The following POR variants were observed in gnomAD, a reference collection of about 807,000 sequenced individuals.
POR encodes cytochrome p450 oxidoreductase.
POR carries 56 observed loss-of-function variants against 84.0 expected under a neutral mutation model. That is an observed-to-expected ratio of 0.67 (90% confidence interval 0.54 to 0.83). The LOEUF (loss-of-function observed/expected upper bound fraction) is 0.83. Among genes scored for constraint, POR ranks in the 40% least tolerant of loss-of-function variants. The probability of loss-of-function intolerance (pLI) is 0.00; values close to 1 mark genes in which losing one functional copy is unlikely to be tolerated. For synonymous variants in POR, 414 were observed against 400.5 expected (o/e 1.03, Z -0.40); for missense variants, 938 against 944.3 (o/e 0.99, Z 0.09).
At chr7:75,944,009 C>T (rs764699164) in intron 1 of POR, 66 of 394,028 alleles carry the variant, frequency 1.7e-4, no homozygotes, top group Non-Finnish European at 2.8e-4. Context: ...GAAACGTGCT[C>T]TCCTTGGGAG....
chr7:75,963,324 G>A (rs76872408), intron 2 of POR, among the ~76,000 whole-genome samples: 6 of 152,300 alleles, frequency 3.9e-5, no homozygotes, highest in South Asian at 4.1e-4. Context: ...CTGTGGGAAC[G>A]GCGAGGACAT....
At chr7:75,965,573 T>G (rs1397559746) in intron 2 of POR, among the ~76,000 whole-genome samples, 1 of 152,098 alleles carries the variant, frequency 6.6e-6, no homozygotes, top group Non-Finnish European at 1.5e-5. Flanking sequence ...TCAGATGATC[T>G]TACTGTCTGA....
intron 1 of POR, among the ~76,000 whole-genome samples, chr7:75,930,140 G>A (rs1554549985): frequency 6.6e-6 from 1 of 152,160 alleles, no homozygotes; most frequent in African/African-American, 2.4e-5. Context: ...ATTGTAGAAG[G>A]TGCCTAGCCA....
intron 2 of POR, 139 bp downstream of exon 2, chr7:75,954,319 G>C: frequency 7.1e-6 from 6 of 840,674 alleles, no homozygotes; most frequent in Non-Finnish European, 1.1e-5. Context: ...TTGCCTTCTT[G>C]CTAGATTGTG....
intron 1 of POR, among the ~76,000 whole-genome samples, chr7:75,921,502 T>A (rs528394991): frequency 6.6e-6 from 1 of 152,056 alleles, no homozygotes; most frequent in African/African-American, 2.4e-5. Flanking sequence ...CCTCAGGCGA[T>A]CTGCCTGCCT....
At position 75,985,792 on chromosome 7, in the gene POR, A is replaced by C. The variant is rs782814705; in HGVS notation, c.1612A>C (p.Thr538Pro). The stretch of plus-strand genomic sequence containing the variant: ...GCCTGTCATCATGGTGGGCCCCGGC[A>C]CCGGGGTGGCACCCTTCATAGGCTT... Residue 538 changes from threonine (T) to proline (P), a missense_variant, in exon 13 of 16, where the codon ACC becomes CCC. Coordinates refer to ENST00000461988, the MANE Select transcript of POR (RefSeq NM_000941.3). 169 of 1,568,894 alleles carry C rather than the reference A, an allele frequency of 1.1e-4. No individual in the cohort carries two copies. Among genetic ancestry groups the C allele is most frequent in the Non-Finnish European group, 1.3e-4 (151 of 1,157,668 alleles).
chr7:75,960,558 G>A (rs1787891727), intron 2 of POR, among the ~76,000 whole-genome samples: 1 of 152,008 alleles, frequency 6.6e-6, no homozygotes, highest in Non-Finnish European at 1.5e-5. Flanking sequence ...CAGTCTCCCT[G>A]CCTCAGCCTT....
At position 75,981,123 on chromosome 7, in the gene POR, C is replaced by A; in HGVS notation, c.592C>A (p.Leu198Ile). 1 of 1,559,846 alleles carries A rather than the reference C, an allele frequency of 6.4e-7. No homozygotes were observed. Among genetic ancestry groups the A allele is most frequent in the Non-Finnish European group, 8.7e-7 (1 of 1,152,964 alleles). Reference sequence around the variant, plus strand: ...GTACGTGGACAAGCGGCTGGAGCAGCTCGGCGCCCAGCGCATCTTTGAGCT... The same window carrying A: ...GTACGTGGACAAGCGGCTGGAGCAGATCGGCGCCCAGCGCATCTTTGAGCT... Residue 198 changes from leucine to isoleucine, a missense_variant, in exon 6 of 16, where the codon CTC becomes ATC. Leu to Ile is a conservative substitution (Grantham distance 5, BLOSUM62 2). Transcript: ENST00000461988.
rs1260031883 is a variant in POR at position 75,915,170 on chromosome 7, G to C, written c.-14G>C. On this transcript the variant is annotated 5_prime_UTR_variant, in exon 1 of 16. Transcript: ENST00000461988. ...CCAGGTGCCCGCAGAGAGCAGCCGG[G>C]CTGCCAGCGGTGAGTGCTATCTTTC... The C allele has an allele frequency of 1.3e-5, 2 of 154,454 alleles. No homozygotes were observed. Among genetic ancestry groups the C allele is most frequent in the Admixed American group, 6.5e-5 (1 of 15,296 alleles). 9.6% of individuals were successfully genotyped at this position (154,454 alleles called of 1,614,324 possible). A position where few individuals can be genotyped will look rare whatever the true frequency, so the allele number is the denominator to read the frequency against.
intron 2 of POR, 40 bp from the exon 3 acceptor site, chr7:75,972,373 C>T: frequency 1.3e-6 from 2 of 1,581,212 alleles, no homozygotes; most frequent in Non-Finnish European, 1.7e-6. Context: ...TGTCCCATGA[C>T]ACCTGCCTCC....
rs782579716 is a variant in POR, at chr7:75,984,950, G to A, written c.1240G>A (p.Glu414Lys). 1.9e-5 allele frequency: 31 copies of A among 1,594,368 alleles called. No individual in the cohort carries two copies. In the East Asian group the frequency reaches 4.3e-4, roughly 22 times the overall value. The stretch of plus-strand genomic sequence containing the variant: ...GCGCAAGATGGCCTCCTCCTCCGGC[G>A]AGGGCAAGGTGCGCCCCCTCAGCCC... Residue 414 changes from glutamate to lysine, a missense_variant, in exon 11 of 16, where the codon GAG (glutamate) becomes AAG (lysine). Coordinates refer to ENST00000461988, the MANE Select transcript of POR (RefSeq NM_000941.3).
intron 4 of POR, 141 bp from the exon 5 acceptor site, chr7:75,980,194 GTTAC>G: frequency 1.0e-6 from 1 of 983,382 alleles, no homozygotes; most frequent in Non-Finnish European, 1.5e-6. Context: ...CCTCCGTGTT[GTTAC>G]TTCTCTCTGA....
chr7:75,958,116 CTATT>C (rs1255572668), intron 2 of POR, among the ~76,000 whole-genome samples: 34 of 152,150 alleles, frequency 2.2e-4, no homozygotes, highest in Admixed American at 7.9e-4. Flanking sequence ...TGGATTGTTA[CTATT>C]TATTTATTTA....
Position 75,972,969 on chromosome 7 carries a change from C to T in POR, c.237+508C>T, listed in dbSNP as rs193045753. Among the ~76,000 whole-genome samples the T allele has an allele frequency of 1.3e-3, 203 of 152,038 alleles. 7 individuals are homozygous for T. In the South Asian group the frequency reaches 0.037, roughly 28 times the overall value. ...TCCCGAGTAGCTGGGATTACAGGTG[C>T]GTGCCACCACGCCCAGCTAATTTTT... is the stretch of plus-strand genomic sequence containing the variant. On this transcript the variant is annotated intron_variant, in intron 3 of 15. Coordinates refer to ENST00000461988, the MANE Select transcript of POR (RefSeq NM_000941.3).
At chr7:75,946,641 T>TG (rs200579759) in intron 1 of POR, 2,620 of 152,368 alleles carry the variant, frequency 0.017, 31 homozygotes, top group Non-Finnish European at 0.025. Context: ...GTAAGGGGTG[T>TG]GTCTGGGGTC....
chr7:75,926,867 T>G (rs1807157145), intron 1 of POR, among the ~76,000 whole-genome samples: 1 of 152,066 alleles, frequency 6.6e-6, no homozygotes, highest in African/African-American at 2.4e-5. Context: ...GTTACAGAGG[T>G]GCAGGATAGC....
intron 12 of POR, 41 bp downstream of exon 12, chr7:75,985,248 C>A (rs781918541): frequency 1.9e-6 from 3 of 1,543,632 alleles, no homozygotes; most frequent in Non-Finnish European, 2.6e-6. Flanking sequence ...CGCTGGAGGC[C>A]CAGCCCTGCT....
In POR at chr7:75,947,899, C is replaced by G. The variant is rs542489341; in HGVS notation, c.-4-6090C>G. Reference sequence around the variant, plus strand: ...AGAGATGGGTGTGTGTCTGTGTGCGCGTCAAGGGGAAAACGGTTAAGTTTC... The same window carrying G: ...AGAGATGGGTGTGTGTCTGTGTGCGGGTCAAGGGGAAAACGGTTAAGTTTC... On this transcript the variant is annotated intron_variant, in intron 1 of 15. Coordinates refer to ENST00000461988, the MANE Select transcript of POR (RefSeq NM_000941.3). 1.1e-4 allele frequency among the ~76,000 whole-genome samples: 17 copies of G among 152,050 alleles called. No homozygotes were observed. The South Asian group carries it at 3.5e-3, about 32-fold the overall frequency.
Position 75,985,866 on chromosome 7 carries a change from G to C in POR, c.1669+17G>C. 1 of 1,549,560 alleles carries C rather than the reference G, an allele frequency of 6.5e-7. No individual in the cohort carries two copies. Among genetic ancestry groups the C allele is most frequent in the South Asian group, 1.2e-5 (1 of 83,614 alleles). On this transcript the variant is annotated intron_variant, in intron 13 of 15. Transcript: ENST00000461988. ...GACAGCAGGGTGAGTGGGGTCCCAT[G>C]GGGGAGAGGGGGTGACGACTGGGAG...
Sources: allele counts gnomAD v4.1 joint callset (sites outside exome capture counted in the v4.1 genomes callset), GRCh38; gene constraint gnomAD v4.1.1; transcripts MANE v1.5; gene names NCBI Gene and HGNC (gene_info 2026-07-23, HGNC 2026-07-21).